KIAA0408: variants seen among roughly 807,000 people sequenced by gnomAD.
KIAA0408 encodes uncharacterized protein KIAA0408.
A neutral mutation model predicts 60.9 loss-of-function variants in KIAA0408; 51 were observed. That is an observed-to-expected ratio of 0.84 (90% confidence interval 0.67 to 1.06). KIAA0408 has a LOEUF of 1.06. Among genes scored for constraint, KIAA0408 ranks in the 50% least tolerant of loss-of-function variants. KIAA0408 has a pLI of 0.00. For synonymous variants in KIAA0408, 304 were observed against 282.4 expected (o/e 1.08, Z -0.77); for missense variants, 787 against 833.9 (o/e 0.94, Z 0.69).
At chr6:127,451,215 C>T in intron 2 of KIAA0408, 1 of 432,068 alleles carries the variant, frequency 2.3e-6, no homozygotes, top group South Asian at 1.7e-5. Flanking sequence ...TTAACAGCCG[C>T]AATCAATATC....
Position 127,447,068 on chromosome 6 carries a change from C to G in KIAA0408, c.1251G>C (p.Glu417Asp), listed in dbSNP as rs774400628. Residue 417 changes from glutamate to aspartate, a missense_variant, in exon 5 of 6, where the codon GAG becomes GAC. By Grantham distance (45) the Glu-to-Asp change is conservative. Around this residue, in one of 3 missense-constraint regions of KIAA0408, gnomAD observed 640 missense variants for 681.3 expected, o/e 0.94. Transcript: ENST00000483725. ...TGAAATTTCTAAGTGGGCTACTGCT[C>G]TCTGCTACTGAGGAGCTACAGTCAT... ...VSNDCSSSVA[E>D]SSSPLRNFSC... 2.5e-6 allele frequency: 4 copies of G among 1,613,614 alleles called. No individual in the cohort carries two copies. In the Admixed American group the frequency reaches 6.7e-5, roughly 27 times the overall value.
chr6:127,455,963 T>G (rs1442935842), intron 1 of KIAA0408, among the ~76,000 whole-genome samples: 2 of 152,200 alleles, frequency 1.3e-5, no homozygotes, highest in Non-Finnish European at 2.9e-5. Context: ...CCATTGATCT[T>G]GATCTTGAAT....
At position 127,453,990 on chromosome 6, in the gene KIAA0408, TGTAA is replaced by T. The variant is rs750124554; in HGVS notation, c.-13_-10del. On this transcript the variant is annotated 5_prime_UTR_variant, in exon 2 of 6. Coordinates refer to ENST00000483725, the MANE Select transcript of KIAA0408 (RefSeq NM_014702.5). ...TGCTTATGTAGGTCCATGGCAACAG[TGTAA>T]GTGTCAGCAAAGAAGTGTTTCTGCT... 1.2e-5 allele frequency: 20 copies of T among 1,607,012 alleles called. No homozygotes were observed. The South Asian group carries it at 1.9e-4, about 15-fold the overall frequency.
At chr6:127,449,164 C>G (rs568835588) in intron 4 of KIAA0408, among the ~76,000 whole-genome samples, 1 of 152,276 alleles carries the variant, frequency 6.6e-6, no homozygotes, top group South Asian at 2.1e-4. Context: ...ATACGTTTAA[C>G]TGAATTAGCC....
chr6:127,442,700 T>C lies in KIAA0408; in HGVS notation c.*1409A>G, dbSNP rs1773125229. On this transcript the variant is annotated 3_prime_UTR_variant, in exon 6 of 6. Coordinates refer to ENST00000483725, the MANE Select transcript of KIAA0408 (RefSeq NM_014702.5). Reference sequence around the variant, plus strand: ...AGTGAATTTCTCTAAATGGTTCAAATACATCATAAGGAGATGGCTCTTGGA... The same window carrying C: ...AGTGAATTTCTCTAAATGGTTCAAACACATCATAAGGAGATGGCTCTTGGA... The C allele has an allele frequency of 6.6e-6, 1 of 152,192 alleles. No individual in the cohort carries two copies. The highest frequency in any genetic ancestry group is 2.1e-4 in the South Asian group (1 of 4,834). 9.4% of individuals were successfully genotyped at this position (152,192 alleles called of 1,614,324 possible).
At chr6:127,444,415 G>A in intron 5 of KIAA0408, 133 bp from the exon 6 acceptor site, 2 of 645,254 alleles carry the variant, frequency 3.1e-6, no homozygotes, top group South Asian at 6.5e-5. Context: ...AACTAAAGAA[G>A]GTAGTTGTCT....
At position 127,450,282 on chromosome 6, in the gene KIAA0408, T is replaced by G; in HGVS notation, c.206A>C (p.His69Pro). 6.2e-7 allele frequency: 1 copy of G among 1,613,816 alleles called. No individual in the cohort carries two copies. Reference sequence around the variant, plus strand: ...CACTTTCTCTGGAATGGTCTTCTCATGGTAAAGATCAATGATCTTAGCACT... The same window carrying G: ...CACTTTCTCTGGAATGGTCTTCTCAGGGTAAAGATCAATGATCTTAGCACT... ...NESAKIIDLYHEKTIPEKVIE... is the reference protein window; with the variant it reads ...NESAKIIDLYPEKTIPEKVIE... Residue 69 changes from histidine to proline, a missense_variant, in exon 3 of 6, where the codon CAT (histidine) becomes CCT (proline). Around this residue, in one of 3 missense-constraint regions of KIAA0408, gnomAD observed 640 missense variants for 681.3 expected, o/e 0.94. Coordinates refer to ENST00000483725, the MANE Select transcript of KIAA0408 (RefSeq NM_014702.5).
At chr6:127,454,368 C>T (rs1324290881) in intron 1 of KIAA0408, 1 of 159,750 alleles carries the variant, frequency 6.3e-6, no homozygotes, top group African/African-American at 2.4e-5. Flanking sequence ...GTAATCATCC[C>T]TTTAACCACT....
In KIAA0408 at chr6:127,450,090, A is replaced by C; in HGVS notation, c.398T>G (p.Leu133Trp). The C allele has an allele frequency of 6.2e-7, 1 of 1,614,108 alleles. No individual in the cohort carries two copies. The highest frequency in any genetic ancestry group is 8.5e-7 in the Non-Finnish European group (1 of 1,179,986). Reference sequence around the variant, plus strand: ...TTGGTTGTCTGTAGCCAAAGGATCCAAAAACCCTACTTTTGATTTTTTTGT... The same window carrying C: ...TTGGTTGTCTGTAGCCAAAGGATCCCAAAACCCTACTTTTGATTTTTTTGT... ...KATKKSKVGF[L>W]DPLATDNQKE... Residue 133 changes from leucine (L) to tryptophan (W), a missense_variant, in exon 3 of 6, where the codon TTG becomes TGG. Coordinates refer to ENST00000483725, the MANE Select transcript of KIAA0408 (RefSeq NM_014702.5).
rs200291225 is a variant in KIAA0408, at chr6:127,444,286, G to A, written c.1912-4C>T. On this transcript the variant is annotated splice_polypyrimidine_tract_variant and splice_region_variant and intron_variant, in intron 5 of 5. Transcript: ENST00000483725. ...AGGCGTTCACTGACATGGATTCCTA[G>A]GACACAAGTAAAAACATTCCTCTCA... is the stretch of plus-strand genomic sequence containing the variant. The A allele has an allele frequency of 3.3e-4, 510 of 1,568,124 alleles. 1 individual carries two copies. The East Asian group carries it at 3.3e-3, about 10-fold the overall frequency.
At chr6:127,458,800 TA>T (rs767078462) in intron 1 of KIAA0408, among the ~76,000 whole-genome samples, 1 of 151,684 alleles carries the variant, frequency 6.6e-6, no homozygotes, top group Non-Finnish European at 1.5e-5. Context: ...TTGCAAATGT[TA>T]AAAGTCTTTA....
Position 127,447,608 on chromosome 6 carries a change from A to G in KIAA0408, c.711T>C (p.Asn237=). ...TCTGGAGCACATTGGTACAGCTCAG[A>G]TTCTTCCTGTTTTTCTGTTTTTCTT... ...LEKEKQKNRK[N]LSCTNVLQSN... The change falls in exon 5 of 6, where the codon AAT becomes AAC. Residue 237 remains asparagine, a synonymous_variant. Coordinates refer to ENST00000483725, the MANE Select transcript of KIAA0408 (RefSeq NM_014702.5). The G allele has an allele frequency of 6.2e-7, 1 of 1,613,098 alleles. No individual in the cohort carries two copies. The highest frequency in any genetic ancestry group is 8.5e-7 in the Non-Finnish European group (1 of 1,179,684).
intron 1 of KIAA0408, among the ~76,000 whole-genome samples, chr6:127,458,869 A>C (rs1046115854): frequency 6.6e-6 from 1 of 152,262 alleles, no homozygotes; most frequent in African/African-American, 2.4e-5. Context: ...AATGATGGGC[A>C]AAGTGCTTTT....
Position 127,447,673 on chromosome 6 carries a change from T to C in KIAA0408, c.646A>G (p.Ile216Val). 1 of 1,598,034 alleles carries C rather than the reference T, an allele frequency of 6.3e-7. No homozygotes were observed. The highest frequency in any genetic ancestry group is 8.5e-7 in the Non-Finnish European group (1 of 1,175,280). Residue 216 changes from isoleucine (I) to valine (V), a missense_variant, in exon 5 of 6, where the codon ATC becomes GTC. Transcript: ENST00000483725. ...VTNIPHGDPM[I>V]NNDQCILPIS... is the part of the protein sequence containing the mutation. The stretch of plus-strand genomic sequence containing the variant: ...GGAAGAATGCACTGGTCATTGTTGA[T>C]CATGGGGTCCCCATGAGGTATATTA...
In KIAA0408 at chr6:127,447,572, C is replaced by T. The variant is rs528764032; in HGVS notation, c.747G>A (p.Thr249=). The T allele has an allele frequency of 5.9e-5, 95 of 1,610,286 alleles. No individual in the cohort carries two copies. The East Asian group carries it at 1.5e-3, about 26-fold the overall frequency. Residue 249 remains threonine, a synonymous_variant, in exon 5 of 6, where the codon ACG becomes ACA. Coordinates refer to ENST00000483725, the MANE Select transcript of KIAA0408 (RefSeq NM_014702.5). ...SCTNVLQSNS[T]KKCGIDTIDL... The stretch of plus-strand genomic sequence containing the variant: ...CGATTGTATCAATTCCACATTTTTT[C>T]GTAGAATTGCTCTGGAGCACATTGG...
chr6:127,445,581 G>A (rs1280698147), intron 5 of KIAA0408, among the ~76,000 whole-genome samples: 5 of 152,150 alleles, frequency 3.3e-5, no homozygotes, highest in Non-Finnish European at 5.9e-5. Flanking sequence ...TATGAAACTA[G>A]GAGTTCTGAA....
Position 127,453,982 on chromosome 6 carries a change from G to A in KIAA0408, c.-1C>T. On this transcript the variant is annotated 5_prime_UTR_variant, in exon 2 of 6. Transcript: ENST00000483725. ...TCTCCCACTGCTTATGTAGGTCCAT[G>A]GCAACAGTGTAAGTGTCAGCAAAGA... 1.2e-6 allele frequency: 2 copies of A among 1,611,300 alleles called. No homozygotes were observed. The highest frequency in any genetic ancestry group is 8.5e-7 in the Non-Finnish European group (1 of 1,178,368).
rs192218849 is a variant in KIAA0408 at position 127,454,172 on chromosome 6, G to A, written c.-120-71C>T. The A allele has an allele frequency of 2.2e-4, 269 of 1,250,312 alleles. 2 individuals are homozygous for A. The East Asian group carries it at 7.1e-3, about 33-fold the overall frequency. The allele number at this position is 1,250,312 out of a possible 1,614,324, so 77.5% of individuals were successfully genotyped here. On this transcript the variant is annotated intron_variant, in intron 1 of 5. Transcript: ENST00000483725. ...TGGAAATATATTTTATCATTTTGTC[G>A]AGCCATTGACATAAACAAACTATAG...
rs1342451333 is a variant in KIAA0408 at position 127,440,910 on chromosome 6, A to C, written c.*3199T>G. On this transcript the variant is annotated 3_prime_UTR_variant, in exon 6 of 6. Coordinates refer to ENST00000483725, the MANE Select transcript of KIAA0408 (RefSeq NM_014702.5). ...TTGGCTTCAGTTGTACTACCTAGAG[A>C]TATTTTGGAAGAAGCTAGAGTGAAC... 6.6e-6 allele frequency: 1 copy of C among 152,150 alleles called. No individual in the cohort carries two copies. The highest frequency in any genetic ancestry group is 1.9e-4 in the East Asian group (1 of 5,178). The allele number at this position is 152,150 out of a possible 1,614,324, so 9.4% of individuals were successfully genotyped here.
Sources: gnomAD v4.1 joint callset for allele counts (sites outside exome capture counted in the v4.1 genomes callset) on GRCh38, gnomAD v4.1.1 for gene constraint, gnomAD v4.1.1 regional missense constraint, MANE v1.5 for transcripts, NCBI Gene and HGNC (gene_info 2026-07-23, HGNC 2026-07-21) for gene names.